Variants in EYA4 observed in about 807,000 individuals in gnomAD.
EYA4 encodes protein phosphatase EYA4.
In EYA4, 31 loss-of-function variants were observed where a neutral mutation model predicts 87.9. That is an observed-to-expected ratio of 0.35 (90% confidence interval 0.27 to 0.48). The LOEUF (loss-of-function observed/expected upper bound fraction) is 0.48. EYA4 is among the 20% of genes least tolerant of loss of function. EYA4 has a pLI of 0.99. For synonymous variants in EYA4, 263 were observed against 270.6 expected (o/e 0.97, Z 0.28); for missense variants, 678 against 761.4 (o/e 0.89, Z 1.29).
intron 3 of EYA4, among the ~76,000 whole-genome samples, chr6:133,432,586 A>G (rs1459783381): frequency 6.6e-6 from 1 of 151,992 alleles, no homozygotes; most frequent in East Asian, 1.9e-4. Flanking sequence ...TGTTACATGA[A>G]TCGTACACAA....
intron 2 of EYA4, among the ~76,000 whole-genome samples, chr6:133,324,056 T>G (rs1781304913): frequency 6.6e-6 from 1 of 152,164 alleles, no homozygotes; most frequent in Non-Finnish European, 1.5e-5. Flanking sequence ...TTCTTCTTCT[T>G]TGGAAAATCA....
At chr6:133,351,712 A>C (rs951515337) in intron 2 of EYA4, among the ~76,000 whole-genome samples, 3 of 152,206 alleles carry the variant, frequency 2.0e-5, no homozygotes, top group Admixed American at 2.0e-4. Context: ...GTTTCATTAC[A>C]GGAAGGGTGT....
chr6:133,329,228 C>T (rs1781733449), intron 2 of EYA4, among the ~76,000 whole-genome samples: 1 of 151,908 alleles, frequency 6.6e-6, no homozygotes, highest in African/African-American at 2.4e-5. Flanking sequence ...CTTATTTTTT[C>T]CAATGTGTAT....
chr6:133,290,974 A>G (rs891313680), intron 2 of EYA4, among the ~76,000 whole-genome samples: 2 of 152,208 alleles, frequency 1.3e-5, no homozygotes, highest in African/African-American at 2.4e-5. Flanking sequence ...TTGAGTTTCT[A>G]CTACAATTGG....
At chr6:133,309,970 A>G (rs1299793061) in intron 2 of EYA4, among the ~76,000 whole-genome samples, 1 of 152,226 alleles carries the variant, frequency 6.6e-6, no homozygotes. Context: ...GGGTATCTCT[A>G]TGATTTGCTG....
intron 3 of EYA4, among the ~76,000 whole-genome samples, chr6:133,424,120 C>A (rs747740081): frequency 3.9e-5 from 6 of 152,188 alleles, no homozygotes; most frequent in Non-Finnish European, 5.9e-5. Flanking sequence ...GAGGGTAGCT[C>A]CTCTTTCTGC....
rs113235386 is a variant in EYA4, at chr6:133,324,630, A to G, written c.33+49817A>G. Among the ~76,000 whole-genome samples the G allele has an allele frequency of 5.7e-4, 87 of 152,228 alleles. No homozygotes were observed. The Middle Eastern group carries it at 0.014, about 24-fold the overall frequency. On this transcript the variant is annotated intron_variant, in intron 2 of 19. Coordinates refer to ENST00000355286, the MANE Select transcript of EYA4 (RefSeq NM_004100.5). ...TGTGTCTGAAATATTGAGAAAGAGG[A>G]TCCTTGTAAAAGTGGAAAGATAGGA...
At chr6:133,381,259 T>G (rs1403547394) in intron 2 of EYA4, among the ~76,000 whole-genome samples, 1 of 151,972 alleles carries the variant, frequency 6.6e-6, no homozygotes, top group Admixed American at 6.6e-5. Flanking sequence ...ATAATTGATT[T>G]CCCAGATTAT....
chr6:133,525,941 G>A, intron 19 of EYA4: 2 of 985,022 alleles, frequency 2.0e-6, no homozygotes, highest in South Asian at 4.7e-5. Context: ...ATCTGTTTTG[G>A]TGAGCCAGTG....
chr6:133,459,181 A>G (rs1311256230), intron 6 of EYA4, among the ~76,000 whole-genome samples: 2 of 152,180 alleles, frequency 1.3e-5, no homozygotes, highest in African/African-American at 4.8e-5. Flanking sequence ...TCCTACGTGA[A>G]CATCGTAGTT....
At chr6:133,300,359 A>G (rs1299407336) in intron 2 of EYA4, among the ~76,000 whole-genome samples, 1 of 152,170 alleles carries the variant, frequency 6.6e-6, no homozygotes, top group African/African-American at 2.4e-5. Context: ...GTCATCATCT[A>G]CTGTTAAATA....
intron 19 of EYA4, among the ~76,000 whole-genome samples, chr6:133,526,732 A>G (rs1453489513): frequency 6.6e-6 from 1 of 152,174 alleles, no homozygotes; most frequent in Admixed American, 6.5e-5. Context: ...AAATGCTTCC[A>G]GTCACACTGA....
intron 2 of EYA4, among the ~76,000 whole-genome samples, chr6:133,297,192 T>G (rs1429539006): frequency 6.6e-6 from 1 of 152,224 alleles, no homozygotes; most frequent in African/African-American, 2.4e-5. Context: ...GCATTTGTGT[T>G]TCTGTTTTTG....
intron 2 of EYA4, among the ~76,000 whole-genome samples, chr6:133,357,867 A>C (rs1324192914): frequency 5.3e-5 from 8 of 151,904 alleles, no homozygotes; most frequent in Non-Finnish European, 2.9e-5. Context: ...GTTTTTTTAT[A>C]TATAATACTT....
chr6:133,320,331 A>G (rs1780986034), intron 2 of EYA4, among the ~76,000 whole-genome samples: 1 of 152,014 alleles, frequency 6.6e-6, no homozygotes, highest in African/African-American at 2.4e-5. Flanking sequence ...TTTAATCTGT[A>G]TTTATATCTT....
intron 2 of EYA4, among the ~76,000 whole-genome samples, chr6:133,344,754 T>G (rs1783068992): frequency 6.6e-6 from 1 of 152,202 alleles, no homozygotes; most frequent in South Asian, 2.1e-4. Flanking sequence ...ACCCAAATTA[T>G]GGATTTTGAT....
intron 2 of EYA4, among the ~76,000 whole-genome samples, chr6:133,349,480 G>A (rs1783467000): frequency 6.6e-6 from 1 of 152,204 alleles, no homozygotes; most frequent in Non-Finnish European, 1.5e-5. Flanking sequence ...ATTCATGTAT[G>A]AATAAATGAA....
intron 1 of EYA4, among the ~76,000 whole-genome samples, chr6:133,246,585 A>G (rs961966646): frequency 8.5e-5 from 13 of 152,144 alleles, no homozygotes; most frequent in Non-Finnish European, 1.8e-4. Context: ...CAAGGCATAT[A>G]TTAATGTAGA....
chr6:133,245,539 AC>A, intron 1 of EYA4, among the ~76,000 whole-genome samples: 1 of 152,330 alleles, frequency 6.6e-6, no homozygotes, highest in Non-Finnish European at 1.5e-5. Context: ...GGAAATCAAC[AC>A]CAGGGGAATG....
Sources: gnomAD v4.1 joint callset for allele counts (sites outside exome capture counted in the v4.1 genomes callset) on GRCh38, gnomAD v4.1.1 for gene constraint, MANE v1.5 for transcripts, NCBI Gene and HGNC (gene_info 2026-07-23, HGNC 2026-07-21) for gene names.